BIRC6: variants seen among roughly 807,000 people sequenced by gnomAD.
The protein encoded by BIRC6 is dual E2 ubiquitin-conjugating enzyme/E3 ubiquitin-protein ligase BIRC6.
In BIRC6, 98 loss-of-function variants were observed where a neutral mutation model predicts 503.3. The observed-to-expected ratio is 0.19, with a 90% CI of 0.17 to 0.23. BIRC6 has a LOEUF of 0.23. BIRC6 is among the 10% of genes least tolerant of loss of function. The pLI, the probability that BIRC6 is intolerant of heterozygous loss-of-function variation, is 1.00. For missense variants in BIRC6, 5,360 were observed against 5,806.0 expected (o/e 0.92, Z 2.50); for synonymous variants, 2,240 against 2,078.7 (o/e 1.08, Z -2.11).
chr2:32,468,187 G>T, intron 28 of BIRC6, 76 bp downstream of exon 28: 1 of 1,449,348 alleles, frequency 6.9e-7, no homozygotes, highest in Non-Finnish European at 9.4e-7. Flanking sequence ...ATTCTGTCAA[G>T]AAATGTCTTT....
chr2:32,602,806 A>G, intron 70 of BIRC6, 200 bp from the exon 71 acceptor site: 1 of 463,366 alleles, frequency 2.2e-6, no homozygotes, highest in East Asian at 3.4e-5. Context: ...GCATTATGAA[A>G]AAGTTATAAT....
At chr2:32,489,997 A>G in intron 42 of BIRC6, 44 bp from the exon 43 acceptor site, 7 of 1,348,130 alleles carry the variant, frequency 5.2e-6, no homozygotes, top group Non-Finnish European at 6.4e-6. Context: ...CTTCATAAAC[A>G]TTGTTTTTCT....
At chr2:32,457,063 A>G (rs1355171593) in intron 23 of BIRC6, among the ~76,000 whole-genome samples, 1 of 152,088 alleles carries the variant, frequency 6.6e-6, no homozygotes, top group Non-Finnish European at 1.5e-5. Flanking sequence ...GGCATTAGTT[A>G]TCTTTTTATC....
At chr2:32,503,557 G>A (rs556224148) in intron 49 of BIRC6, among the ~76,000 whole-genome samples, 2 of 152,096 alleles carry the variant, frequency 1.3e-5, no homozygotes, top group Non-Finnish European at 1.5e-5. Context: ...GAGTAGCTGG[G>A]ATTACAGGCA....
At chr2:32,495,405 T>A (rs1203558181) in intron 45 of BIRC6, among the ~76,000 whole-genome samples, 1 of 152,228 alleles carries the variant, frequency 6.6e-6, no homozygotes, top group Non-Finnish European at 1.5e-5. Context: ...AGTTTATGTT[T>A]GTTTTTAATA....
chr2:32,527,118 C>G (rs1438874719), intron 59 of BIRC6: 2 of 152,218 alleles, frequency 1.3e-5, no homozygotes, highest in Non-Finnish European at 2.9e-5. Flanking sequence ...TACAAACATG[C>G]TCTGATAGGC....
intron 42 of BIRC6, 120 bp from the exon 43 acceptor site, chr2:32,489,919 GAC>G: frequency 1.5e-6 from 1 of 646,412 alleles, no homozygotes; most frequent in Non-Finnish European, 2.8e-6. Context: ...ATGTTTTGAA[GAC>G]ACTGGTTAAG....
intron 47 of BIRC6, 40 bp from the exon 48 acceptor site, chr2:32,502,755 G>C (rs1572659765): frequency 1.4e-6 from 2 of 1,474,152 alleles, no homozygotes; most frequent in Non-Finnish European, 9.3e-7. Context: ...CTTATTCACA[G>C]GAATATATAA....
chr2:32,448,395 TC>T (rs1478893935), intron 21 of BIRC6, among the ~76,000 whole-genome samples: 2 of 148,124 alleles, frequency 1.4e-5, no homozygotes, highest in African/African-American at 2.5e-5. Flanking sequence ...CCGTCTGCAA[TC>T]CCGGCACCTC....
chr2:32,582,369 A>T (rs1025220804), intron 66 of BIRC6, among the ~76,000 whole-genome samples: 15 of 152,108 alleles, frequency 9.9e-5, no homozygotes, highest in Non-Finnish European at 1.9e-4. Context: ...GTTGCCTTGT[A>T]CACTGTACTC....
At chr2:32,557,572 C>G (rs2058867340) in intron 65 of BIRC6, 1 of 152,112 alleles carries the variant, frequency 6.6e-6, no homozygotes, top group African/African-American at 2.4e-5. Flanking sequence ...ATAGTAATTG[C>G]TCTTAGAGCA....
Position 32,515,126 on chromosome 2 carries a change from C to T in BIRC6, c.10705C>T (p.Pro3569Ser). 1 of 1,613,944 alleles carries T rather than the reference C, an allele frequency of 6.2e-7. No homozygotes were observed. The highest frequency in any genetic ancestry group is 1.1e-5 in the South Asian group (1 of 91,084). The stretch of plus-strand genomic sequence containing the variant: ...CATGGGCTGGATGGGAATTACCCCT[C>T]CTCCAGTGCAATGTCATCATAGACT... ...LLMGWMGITP[P>S]PVQCHHRLSM... The change falls in exon 55 of 74, where the codon CCT becomes TCT. Residue 3569 changes from proline (P) to serine (S), a missense_variant. Pro to Ser is a moderately conservative substitution (Grantham distance 74). Transcript: ENST00000421745.
rs1356354886 is a variant in BIRC6, at chr2:32,485,704, G to A, written c.7758G>A (p.Met2586Ile). 6.2e-7 allele frequency: 1 copy of A among 1,613,734 alleles called. No homozygotes were observed. Among genetic ancestry groups the A allele is most frequent in the South Asian group, 1.1e-5 (1 of 91,050 alleles). The change falls in exon 40 of 74, where the codon ATG becomes ATA. Residue 2586 changes from methionine (M) to isoleucine (I), a missense_variant. Transcript: ENST00000421745. ...EQQAELMLKM[M>I]STLEADSILQ... is the part of the protein sequence containing the mutation. The stretch of plus-strand genomic sequence containing the variant: ...AAGCAGAACTGATGTTGAAAATGAT[G>A]TCTACTCTGGAGGCAGATTCCATTT...
intron 65 of BIRC6, among the ~76,000 whole-genome samples, chr2:32,554,507 GT>G (rs1253748524): frequency 6.6e-6 from 1 of 152,170 alleles, no homozygotes; most frequent in African/African-American, 2.4e-5. Flanking sequence ...TAAGTGATGT[GT>G]TAGAGTAAGG....
intron 22 of BIRC6, among the ~76,000 whole-genome samples, chr2:32,453,425 A>T (rs1343891467): frequency 6.6e-6 from 1 of 152,188 alleles, no homozygotes; most frequent in African/African-American, 2.4e-5. Context: ...ACATATAGCC[A>T]ACAGATTAGG....
chr2:32,357,479 G>T lies in BIRC6; in HGVS notation c.318G>T (p.Ala106=). 1 of 1,548,416 alleles carries T rather than the reference G, an allele frequency of 6.5e-7. No homozygotes were observed. The highest frequency in any genetic ancestry group is 2.5e-5 in the East Asian group (1 of 40,680). The change falls in exon 1 of 74, where the codon GCG becomes GCT. Residue 106 remains alanine, a synonymous_variant. Transcript: ENST00000421745. The surrounding 1 kb of genome is among the most constrained non-coding windows in gnomAD (Gnocchi z 4.9). ...CGGGGGCCACACTGCAGGCCTCCGC[G>T]CTCAGTGGTGAGTCTTCCGCACGCC... is the stretch of plus-strand genomic sequence containing the variant. ...GTSGATLQAS[A]LSAKPGGQVK... is the part of the protein sequence containing the mutation.
intron 71 of BIRC6, among the ~76,000 whole-genome samples, chr2:32,605,852 T>A (rs2062413395): frequency 6.6e-6 from 1 of 151,980 alleles, no homozygotes; most frequent in South Asian, 2.1e-4. Flanking sequence ...AGCAAGACAC[T>A]GTCTCAAAAA....
At chr2:32,446,701 T>A (rs913851439) in intron 21 of BIRC6, among the ~76,000 whole-genome samples, 2 of 150,282 alleles carry the variant, frequency 1.3e-5, no homozygotes, top group Non-Finnish European at 3.0e-5. Flanking sequence ...TCACTGAATT[T>A]GATGGGTCAA....
At chr2:32,368,152 A>T (rs886158382) in intron 1 of BIRC6, among the ~76,000 whole-genome samples, 2 of 152,058 alleles carry the variant, frequency 1.3e-5, no homozygotes, top group African/African-American at 4.8e-5. Context: ...TTCTGACTTA[A>T]GTGGCCTGGA....
Sources: allele counts gnomAD v4.1 joint callset (sites outside exome capture counted in the v4.1 genomes callset), GRCh38; gene constraint gnomAD v4.1.1; non-coding constraint Gnocchi (gnomAD v3.1); transcripts MANE v1.5; gene names NCBI Gene and HGNC (gene_info 2026-07-23, HGNC 2026-07-21).